The following CHST11 variants were observed in gnomAD, a reference collection of about 807,000 sequenced individuals.
The protein encoded by CHST11 is C4S-1.
CHST11 carries 9 observed loss-of-function variants against 30.4 expected under a neutral mutation model. That is an observed-to-expected ratio of 0.30 (90% CI 0.18 to 0.52). The LOEUF is 0.52. CHST11 is among the 20% of genes least tolerant of loss of function. The pLI is 0.97. For missense variants in CHST11, 348 were observed against 460.6 expected (o/e 0.76, Z 2.24); for synonymous variants, 152 against 187.8 (o/e 0.81, Z 1.56).
At chr12:104,682,774 G>T (rs1045463554) in intron 2 of CHST11, among the ~76,000 whole-genome samples, 3 of 152,218 alleles carry the variant, frequency 2.0e-5, no homozygotes, top group African/African-American at 4.8e-5. Context: ...CTGCCCCATG[G>T]CAACCGATGT....
intron 1 of CHST11, among the ~76,000 whole-genome samples, chr12:104,502,968 C>A (rs896978330): frequency 6.6e-6 from 1 of 152,204 alleles, no homozygotes; most frequent in Admixed American, 6.5e-5. Flanking sequence ...AGCTGGGATT[C>A]GGCCTTGCTA....
At chr12:104,660,734 G>A (rs182545203) in intron 2 of CHST11, among the ~76,000 whole-genome samples, 9 of 152,220 alleles carry the variant, frequency 5.9e-5, no homozygotes, top group Non-Finnish European at 1.2e-4. Context: ...CTTGTAAAGG[G>A]GTGCGTATCT....
At chr12:104,695,987 G>C (rs1293631265) in intron 2 of CHST11, among the ~76,000 whole-genome samples, 1 of 152,180 alleles carries the variant, frequency 6.6e-6, no homozygotes, top group African/African-American at 2.4e-5. Context: ...TGGCAGGGCT[G>C]CGGAGCTGAG....
chr12:104,625,379 A>G (rs368536719), intron 2 of CHST11, among the ~76,000 whole-genome samples: 6 of 152,086 alleles, frequency 3.9e-5, no homozygotes, highest in Admixed American at 3.3e-4. Context: ...GTGTCAGGTC[A>G]CTGCAACCTC....
At chr12:104,750,428 C>CCTTTTTTTTTTTTTTTTTTTTTTTT (rs1420945578) in intron 2 of CHST11, among the ~76,000 whole-genome samples, 1 of 48,828 alleles carries the variant, frequency 2.0e-5, no homozygotes, top group Non-Finnish European at 3.7e-5. Context: ...TATTTCTGCA[C>CCTTTTTTTTTTTTTTTTTTTTTTTT]TTTTTTTTTT....
chr12:104,488,436 C>T (rs1337593070), intron 1 of CHST11, among the ~76,000 whole-genome samples: 1 of 143,466 alleles, frequency 7.0e-6, no homozygotes, highest in African/African-American at 2.6e-5. Context: ...TATGTGTATG[C>T]ATGTATGTAT....
intron 1 of CHST11, among the ~76,000 whole-genome samples, chr12:104,584,673 G>GTTAGT (rs1327672749): frequency 2.8e-5 from 1 of 35,846 alleles, no homozygotes; most frequent in Non-Finnish European, 5.0e-5. Context: ...GGTTTAAGTG[G>GTTAGT]TTAATTTAAA....
chr12:104,553,365 T>A (rs185409945), intron 1 of CHST11: 4 of 152,314 alleles, frequency 2.6e-5, no homozygotes, highest in African/African-American at 4.8e-5. Context: ...TAGGGCAGTG[T>A]CTTAGTTACC....
intron 2 of CHST11, among the ~76,000 whole-genome samples, chr12:104,742,118 CA>C (rs1467807438): frequency 1.3e-5 from 2 of 152,196 alleles, no homozygotes; most frequent in African/African-American, 4.8e-5. Flanking sequence ...ATCTAATCCT[CA>C]AAATGACCCT....
chr12:104,755,491 T>C (rs2040467291), intron 2 of CHST11, among the ~76,000 whole-genome samples: 2 of 151,982 alleles, frequency 1.3e-5, no homozygotes, highest in East Asian at 1.9e-4. Context: ...CCATGAAGAA[T>C]TGTCAAGTTT....
At chr12:104,527,970 G>A (rs893753709) in intron 1 of CHST11, among the ~76,000 whole-genome samples, 2 of 152,088 alleles carry the variant, frequency 1.3e-5, no homozygotes, top group African/African-American at 4.8e-5. Context: ...AACAGTATGG[G>A]GGAAACCACC....
At chr12:104,479,602 T>C (rs2037598623) in intron 1 of CHST11, among the ~76,000 whole-genome samples, 1 of 152,136 alleles carries the variant, frequency 6.6e-6, no homozygotes, top group South Asian at 2.1e-4. Context: ...ATCTTGTTTT[T>C]CTGATGAATA....
At chr12:104,637,863 C>T (rs1018435507) in intron 2 of CHST11, among the ~76,000 whole-genome samples, 1 of 151,238 alleles carries the variant, frequency 6.6e-6, no homozygotes, top group Non-Finnish European at 1.5e-5. Context: ...CTTTGCCGCA[C>T]CCCCCCACCC....
intron 2 of CHST11, among the ~76,000 whole-genome samples, chr12:104,726,439 A>G (rs2040217414): frequency 6.6e-6 from 1 of 152,224 alleles, no homozygotes. Context: ...TTGTAATTAA[A>G]AGGCTGTGGT....
At chr12:104,635,030 T>A (rs1448429959) in intron 2 of CHST11, among the ~76,000 whole-genome samples, 3 of 152,158 alleles carry the variant, frequency 2.0e-5, no homozygotes, top group Non-Finnish European at 2.9e-5. Flanking sequence ...GCATTCACCC[T>A]CAGGACCAGG....
rs78716588 is a variant in CHST11 at position 104,502,817 on chromosome 12, G to T, written c.118+45288G>T. Among the ~76,000 whole-genome samples the T allele has an allele frequency of 7.5e-3, 1,145 of 152,338 alleles. 15 individuals carry two copies. The highest frequency in any genetic ancestry group is 0.026 in the African/African-American group (1,101 of 41,572). On this transcript the variant is annotated intron_variant, in intron 1 of 2. Transcript: ENST00000303694. ...AGCACTACGGAGGCCCAGAACCCAG[G>T]AGAGGAGAATTCAGAGGCAGGCCCT...
rs1173114768 is a variant in CHST11, at chr12:104,491,880, A to T, written c.118+34351A>T. On this transcript the variant is annotated intron_variant, in intron 1 of 2. Coordinates refer to ENST00000303694, the MANE Select transcript of CHST11 (RefSeq NM_018413.6). ...CTCTTCAAGACTGAATCCTTGCTCA[A>T]CATTGTGACCTGCCCCCTACCACCT... 5.9e-5 allele frequency among the ~76,000 whole-genome samples: 9 copies of T among 152,232 alleles called. No homozygotes were observed. In the East Asian group the frequency reaches 1.7e-3, roughly 29 times the overall value.
chr12:104,629,804 A>G (rs1450563921), intron 2 of CHST11, among the ~76,000 whole-genome samples: 1 of 152,196 alleles, frequency 6.6e-6, no homozygotes, highest in Non-Finnish European at 1.5e-5. Flanking sequence ...CCTGGGCAAG[A>G]GTTAATGGGA....
chr12:104,560,539 A>G (rs1033150327), intron 1 of CHST11, among the ~76,000 whole-genome samples: 15 of 152,224 alleles, frequency 9.9e-5, no homozygotes, highest in African/African-American at 3.6e-4. Context: ...AGAGACGGTC[A>G]TACCTCAGCA....
Sources: gnomAD v4.1 joint callset for allele counts (sites outside exome capture counted in the v4.1 genomes callset) on GRCh38, gnomAD v4.1.1 for gene constraint, MANE v1.5 for transcripts, NCBI Gene and HGNC (gene_info 2026-07-23, HGNC 2026-07-21) for gene names.